Variants in STK33 observed in about 807,000 individuals in gnomAD.
The protein encoded by STK33 is serine/threonine kinase 33, also known as serine/threonine-protein kinase 33.
A neutral mutation model predicts 58.0 loss-of-function variants in STK33; 52 were observed. That is an observed-to-expected ratio of 0.90 (90% CI 0.72 to 1.13). The LOEUF is 1.13. Ranked by LOEUF, STK33 falls within the 50% of genes most tolerant of loss-of-function variation. STK33 has a pLI of 0.00. For missense variants in STK33, 630 were observed against 604.2 expected (o/e 1.04, Z -0.45); for synonymous variants, 215 against 200.1 (o/e 1.07, Z -0.63).
At chr11:8,449,780 A>G (rs138419579) in intron 11 of STK33, among the ~76,000 whole-genome samples, 1,854 of 152,258 alleles carry the variant, frequency 0.012, 39 homozygotes, top group African/African-American at 0.042. Flanking sequence ...AAAGTATAAT[A>G]AAAGAAAGAA....
chr11:8,398,553 C>T (rs1163201231), intron 15 of STK33, among the ~76,000 whole-genome samples: 1 of 152,180 alleles, frequency 6.6e-6, no homozygotes, highest in African/African-American at 2.4e-5. Context: ...ACTGCATCAA[C>T]TAACGAGCAA....
the STK33 span, among the ~76,000 whole-genome samples, chr11:8,346,528 G>A: frequency 6.6e-6 from 1 of 152,190 alleles, no homozygotes; most frequent in Non-Finnish European, 1.5e-5. Flanking sequence ...TGGTGGCATG[G>A]TGCTCTGAGA....
chr11:8,357,162 G>A, the STK33 span, among the ~76,000 whole-genome samples: 1 of 152,254 alleles, frequency 6.6e-6, no homozygotes, highest in Non-Finnish European at 1.5e-5. Flanking sequence ...AGTAATTACA[G>A]CTCTTCAAGT....
intron 1 of STK33, among the ~76,000 whole-genome samples, chr11:8,485,120 G>C (rs1950110746): frequency 6.6e-6 from 1 of 152,048 alleles, no homozygotes; most frequent in African/African-American, 2.4e-5. Context: ...AAATTAAACT[G>C]AAAGCTACTT....
In STK33 at chr11:8,511,046, G is replaced by A. The variant is rs189680003; in HGVS notation, c.-465-30432C>T. Among the ~76,000 whole-genome samples, 492 of 152,156 alleles carry A rather than the reference G, an allele frequency of 3.2e-3. 1 individual carries two copies. Among genetic ancestry groups the A allele is most frequent in the African/African-American group, 0.011 (475 of 41,532 alleles). On this transcript the variant is annotated intron_variant, in intron 1 of 15. Transcript: ENST00000687296. Reference sequence around the variant, plus strand: ...TGAAGAATGACAATAGTATTTTAACGGGAATTGCACTGAATCTGTAGATTG... The same window carrying A: ...TGAAGAATGACAATAGTATTTTAACAGGAATTGCACTGAATCTGTAGATTG...
intron 14 of STK33, chr11:8,434,244 C>CT (rs1943772695): frequency 1.1e-5 from 1 of 93,336 alleles, no homozygotes; most frequent in African/African-American, 5.4e-5. Flanking sequence ...GAGACTCCGT[C>CT]TCAAAAAAAA....
chr11:8,402,405 A>C (rs2135340948), intron 15 of STK33, among the ~76,000 whole-genome samples: 1 of 152,224 alleles, frequency 6.6e-6, no homozygotes, highest in Non-Finnish European at 1.5e-5. Context: ...CATAGGTGGG[A>C]ATTGAACAAT....
At chr11:8,432,743 T>C (rs1396978577) in intron 14 of STK33, among the ~76,000 whole-genome samples, 2 of 152,216 alleles carry the variant, frequency 1.3e-5, no homozygotes, top group Non-Finnish European at 2.9e-5. Context: ...AAACAGGGGA[T>C]ATGAATCATA....
intron 1 of STK33, among the ~76,000 whole-genome samples, chr11:8,526,712 G>A (rs773685658): frequency 6.6e-6 from 1 of 150,956 alleles, no homozygotes; most frequent in Non-Finnish European, 1.5e-5. Flanking sequence ...CAAATACCTA[G>A]GTATAAATCT....
chr11:8,363,252 T>C, the STK33 span, among the ~76,000 whole-genome samples: 2 of 152,200 alleles, frequency 1.3e-5, no homozygotes, highest in South Asian at 2.1e-4. Flanking sequence ...TGTCAAATTC[T>C]TGAAGATGGA....
chr11:8,500,718 G>A (rs1424708539), intron 1 of STK33, among the ~76,000 whole-genome samples: 1 of 152,036 alleles, frequency 6.6e-6, no homozygotes, highest in East Asian at 1.9e-4. Flanking sequence ...AAGGATTTAC[G>A]ATAGCAAAAA....
At chr11:8,372,409 G>A in the STK33 span, among the ~76,000 whole-genome samples, 1 of 152,160 alleles carries the variant, frequency 6.6e-6, no homozygotes, top group Non-Finnish European at 1.5e-5. Flanking sequence ...GGGTGGGAGA[G>A]GGGGTAGGGA....
chr11:8,416,870 T>C (rs906765302), intron 14 of STK33, among the ~76,000 whole-genome samples: 3 of 152,302 alleles, frequency 2.0e-5, no homozygotes, highest in Admixed American at 2.0e-4. Flanking sequence ...CTAGGTGGTA[T>C]AGAGTCCAGG....
intron 1 of STK33, among the ~76,000 whole-genome samples, chr11:8,575,810 G>T (rs1565401929): frequency 6.6e-6 from 1 of 152,042 alleles, no homozygotes; most frequent in East Asian, 1.9e-4. Context: ...TGTATGGTTG[G>T]GTTAACGTTT....
At chr11:8,479,334 G>T (rs1949587555) in intron 2 of STK33, among the ~76,000 whole-genome samples, 1 of 151,718 alleles carries the variant, frequency 6.6e-6, no homozygotes, top group South Asian at 2.1e-4. Flanking sequence ...TAGGGAGGCT[G>T]AGGCAGGAGA....
intron 1 of STK33, among the ~76,000 whole-genome samples, chr11:8,523,764 C>A (rs913882108): frequency 7.2e-5 from 11 of 151,796 alleles, no homozygotes; most frequent in Non-Finnish European, 1.3e-4. Context: ...GCCCGGCCGC[C>A]GCGTCTGGGA....
intron 3 of STK33, 150 bp from the exon 4 acceptor site, chr11:8,476,901 G>A (rs1949330771): frequency 1.3e-5 from 2 of 152,106 alleles, no homozygotes; most frequent in Non-Finnish European, 2.9e-5. Context: ...TTTGTAAATA[G>A]ATTTTAAAAT....
At chr11:8,542,884 A>AT (rs1050652083) in intron 1 of STK33, among the ~76,000 whole-genome samples, 1 of 151,774 alleles carries the variant, frequency 6.6e-6, no homozygotes, top group African/African-American at 2.4e-5. Context: ...TAATTATTGT[A>AT]TTTTTTTGTA....
the STK33 span, among the ~76,000 whole-genome samples, chr11:8,336,875 G>T: frequency 6.6e-6 from 1 of 152,194 alleles, no homozygotes; most frequent in Non-Finnish European, 1.5e-5. Flanking sequence ...GCTGCCTCTT[G>T]CCCACACCTG....
Sources: allele counts gnomAD v4.1 joint callset (sites outside exome capture counted in the v4.1 genomes callset), GRCh38; gene constraint gnomAD v4.1.1; transcripts MANE v1.5; gene names NCBI Gene and HGNC (gene_info 2026-07-23, HGNC 2026-07-21).